The following NOSIP variants were observed in gnomAD, a reference collection of about 807,000 sequenced individuals.
The protein encoded by NOSIP is nitric oxide synthase interacting protein.
A neutral mutation model predicts 36.4 loss-of-function variants in NOSIP; 25 were observed. That is an observed-to-expected ratio of 0.69 (90% CI 0.50 to 0.96). The LOEUF (loss-of-function observed/expected upper bound fraction) is 0.96, where lower values mean the gene tolerates loss of function less well. Ranked by LOEUF, NOSIP falls within the 40% of genes least tolerant of loss-of-function variation. NOSIP has a pLI of 0.00. For synonymous variants in NOSIP, 187 were observed against 179.2 expected (o/e 1.04, Z -0.35); for missense variants, 370 against 429.0 (o/e 0.86, Z 1.21).
intron 1 of NOSIP, among the ~76,000 whole-genome samples, chr19:49,561,118 G>T (rs2080327885): frequency 6.6e-6 from 1 of 152,158 alleles, no homozygotes; most frequent in South Asian, 2.1e-4. Context: ...TGAGGCCAAG[G>T]CGTGGACCAG....
intron 1 of NOSIP, among the ~76,000 whole-genome samples, chr19:49,580,302 CAAAG>C (rs910967549): frequency 4.3e-5 from 6 of 140,022 alleles, no homozygotes; most frequent in Non-Finnish European, 7.9e-5. Context: ...GAGAGAGAGA[CAAAG>C]AGAGAGAGAA....
chr19:49,558,801 G>T, intron 4 of NOSIP, 96 bp downstream of exon 4: 1 of 991,326 alleles, frequency 1.0e-6, no homozygotes, highest in Non-Finnish European at 1.6e-6. Context: ...ACCAGGCAGA[G>T]GGAACTGAGA....
intron 1 of NOSIP, among the ~76,000 whole-genome samples, chr19:49,562,656 G>A (rs935311940): frequency 6.6e-6 from 1 of 152,076 alleles, no homozygotes; most frequent in Non-Finnish European, 1.5e-5. Context: ...CGAGGCGGGG[G>A]CGGATCACGA....
chr19:49,564,054 G>A (rs528357107), intron 1 of NOSIP, among the ~76,000 whole-genome samples: 113 of 152,208 alleles, frequency 7.4e-4, no homozygotes, highest in Non-Finnish European at 8.2e-4. Context: ...TCTCTCACAA[G>A]TACACCAGAG....
In NOSIP at chr19:49,556,315, A is replaced by G. The variant is rs1308986483; in HGVS notation, c.834+2T>C. 6.2e-7 allele frequency: 1 copy of G among 1,606,338 alleles called. No individual in the cohort carries two copies. The highest frequency in any genetic ancestry group is 1.7e-5 in the Admixed American group (1 of 59,420). The stretch of plus-strand genomic sequence containing the variant: ...GGGGAAGGGGAGGGGTGGGACTCTT[A>G]CCCGCTGCAGCACGATGATGTCGCG... On this transcript the variant is annotated splice_donor_variant, in intron 8 of 8. Coordinates refer to ENST00000596358, the MANE Select transcript of NOSIP (RefSeq NM_001270960.2). LOFTEE classifies it high-confidence loss of function.
At position 49,555,638 on chromosome 19, in the gene NOSIP, T is replaced by C. The variant is rs1274094243; in HGVS notation, c.*113A>G. Reference sequence around the variant, plus strand: ...ACTCCAGCGTGCGCTGTAGGAGCACTGTTTGCACGGCCCTGCATCCTCGCC... The same window carrying C: ...ACTCCAGCGTGCGCTGTAGGAGCACCGTTTGCACGGCCCTGCATCCTCGCC... On this transcript the variant is annotated 3_prime_UTR_variant, in exon 9 of 9. Transcript: ENST00000596358. The C allele has an allele frequency of 6.9e-5, 56 of 816,612 alleles. No individual in the cohort carries two copies. Among genetic ancestry groups the C allele is most frequent in the Non-Finnish European group, 1.0e-5 (5 of 485,954 alleles). The allele number at this position is 816,612 out of a possible 1,614,324, so 50.6% of individuals were successfully genotyped here. A position where few individuals can be genotyped will look rare whatever the true frequency, so the allele number is the denominator to read the frequency against.
At chr19:49,564,476 A>AC (rs2080379231) in intron 1 of NOSIP, among the ~76,000 whole-genome samples, 1 of 149,342 alleles carries the variant, frequency 6.7e-6, no homozygotes, top group African/African-American at 2.5e-5. Flanking sequence ...AAAAAAAAAA[A>AC]CAAAATAAAA....
At chr19:49,557,472 G>GAGC in intron 4 of NOSIP, 2 of 1,387,948 alleles carry the variant, frequency 1.4e-6, no homozygotes, top group Non-Finnish European at 1.9e-6. Flanking sequence ...TGGCCTAAGT[G>GAGC]AGCACTATGA....
chr19:49,566,025 TTC>T (rs899508273), intron 1 of NOSIP, among the ~76,000 whole-genome samples: 1 of 147,976 alleles, frequency 6.8e-6, no homozygotes, highest in Non-Finnish European at 1.5e-5. Flanking sequence ...TCTTTTCTTC[TTC>T]TTTTTTTTTT....
intron 1 of NOSIP, among the ~76,000 whole-genome samples, chr19:49,572,972 C>CAA (rs5828405): frequency 0.03 from 1,783 of 60,404 alleles, 72 homozygotes; most frequent in East Asian, 0.14. Flanking sequence ...GACTGTGTCT[C>CAA]AAAAAAAAAA....
In NOSIP at chr19:49,556,314, T is replaced by C. The variant is rs771889659; in HGVS notation, c.834+3A>G. 2.5e-6 allele frequency: 4 copies of C among 1,604,948 alleles called. No homozygotes were observed. The highest frequency in any genetic ancestry group is 1.7e-5 in the Admixed American group (1 of 59,402). On this transcript the variant is annotated splice_donor_region_variant and intron_variant, in intron 8 of 8. Transcript: ENST00000596358. ...GGGGGAAGGGGAGGGGTGGGACTCT[T>C]ACCCGCTGCAGCACGATGATGTCGC...
intron 1 of NOSIP, among the ~76,000 whole-genome samples, chr19:49,562,279 G>A (rs920549951): frequency 1.3e-5 from 2 of 152,072 alleles, no homozygotes; most frequent in African/African-American, 4.8e-5. Flanking sequence ...CTGCCACCAC[G>A]CCTGGCTAAT....
rs1371720942 is a variant in NOSIP at position 49,560,966 on chromosome 19, A to C, written c.-1-274T>G. Among the ~76,000 whole-genome samples, 3 of 152,194 alleles carry C rather than the reference A, an allele frequency of 2.0e-5. No individual in the cohort carries two copies. Among genetic ancestry groups the C allele is most frequent in the African/African-American group, 7.2e-5 (3 of 41,448 alleles). ...GTAAGAGGGTGAGAGACCAGAGTTC[A>C]AATTCTAGCCACTACTTCAGATTAG... On this transcript the variant is annotated intron_variant, in intron 1 of 8. Coordinates refer to ENST00000596358, the MANE Select transcript of NOSIP (RefSeq NM_001270960.2). The surrounding 1 kb of genome is among the most constrained non-coding windows in gnomAD (Gnocchi z 4.6).
rs1271453842 is a variant in NOSIP at position 49,556,999 on chromosome 19, G to A, written c.419-6C>T. The A allele has an allele frequency of 6.2e-7, 1 of 1,602,784 alleles. No individual in the cohort carries two copies. The highest frequency in any genetic ancestry group is 1.7e-5 in the Admixed American group (1 of 58,176). Reference sequence around the variant, plus strand: ...GGGCCCAGGTTGGACATCATCTGTGGGGGAAGGAAGGGACTCAGATGCCGC... The same window carrying A: ...GGGCCCAGGTTGGACATCATCTGTGAGGGAAGGAAGGGACTCAGATGCCGC... On this transcript the variant is annotated splice_polypyrimidine_tract_variant and splice_region_variant and intron_variant, in intron 5 of 8. Transcript: ENST00000596358.
chr19:49,559,776 A>G, intron 3 of NOSIP, 158 bp downstream of exon 3: 1 of 659,244 alleles, frequency 1.5e-6, no homozygotes, highest in Middle Eastern at 3.9e-4. Context: ...TGCTAGGATC[A>G]TGCCCATGTC....
At chr19:49,563,421 T>C (rs568313266) in intron 1 of NOSIP, among the ~76,000 whole-genome samples, 1 of 152,096 alleles carries the variant, frequency 6.6e-6, no homozygotes, top group Admixed American at 6.6e-5. Flanking sequence ...AGTGAACTCC[T>C]GGCCTCCCAA....
At chr19:49,566,866 G>A (rs1423623018) in intron 1 of NOSIP, 2 of 149,544 alleles carry the variant, frequency 1.3e-5, no homozygotes, top group Non-Finnish European at 2.9e-5. Context: ...CCAGGCTGGA[G>A]TGCAGCGGCA....
intron 1 of NOSIP, among the ~76,000 whole-genome samples, chr19:49,576,714 A>G (rs552144592): frequency 6.6e-6 from 1 of 151,860 alleles, no homozygotes; most frequent in East Asian, 1.9e-4. Context: ...GAGAAACCCC[A>G]TCTCTACTAA....
At chr19:49,567,194 C>T (rs1406802102) in intron 1 of NOSIP, among the ~76,000 whole-genome samples, 2 of 147,758 alleles carry the variant, frequency 1.4e-5, no homozygotes, top group African/African-American at 2.5e-5. Flanking sequence ...GCGATCTCGG[C>T]TCACTGCAAG....
Sources: gnomAD v4.1 joint callset for allele counts (sites outside exome capture counted in the v4.1 genomes callset) on GRCh38, gnomAD v4.1.1 for gene constraint, Gnocchi (gnomAD v3.1) non-coding constraint, MANE v1.5 for transcripts, NCBI Gene and HGNC (gene_info 2026-07-23, HGNC 2026-07-21) for gene names.